CCNH: variants seen among roughly 807,000 people sequenced by gnomAD.
The protein encoded by CCNH is cyclin H.
In CCNH, 31 loss-of-function variants were observed where a neutral mutation model predicts 41.9. The ratio of observed to expected loss-of-function variants is 0.74; its 90% confidence interval spans 0.56 to 1.00. The LOEUF is 1.00. Among genes scored for constraint, CCNH ranks in the 50% least tolerant of loss-of-function variants. CCNH has a pLI of 0.00. For missense variants in CCNH, 362 were observed against 388.4 expected, an observed-to-expected ratio of 0.93 and a Z score of 0.57; for synonymous variants, 138 against 136.1, an observed-to-expected ratio of 1.01 and a Z score of -0.10.
rs373797371 is a variant in CCNH at position 87,394,535 on chromosome 5, T to A, written c.934-51A>T. The A allele has an allele frequency of 1.9e-6, 3 of 1,607,754 alleles. No individual in the cohort carries two copies. The African/African-American group carries it at 4.0e-5, about 22-fold the overall frequency. ...GGATAACACTGAAGCATAACCAGTATTGTTTACCTCTTACCTCCCTTTAAG... is the reference window on the plus strand; with the variant it reads ...GGATAACACTGAAGCATAACCAGTAATGTTTACCTCTTACCTCCCTTTAAG... On this transcript the variant is annotated intron_variant, in intron 8 of 8. Coordinates refer to ENST00000256897, the MANE Select transcript of CCNH (RefSeq NM_001239.4).
chr5:87,312,949 C>A, the CCNH span, among the ~76,000 whole-genome samples: 1 of 151,970 alleles, frequency 6.6e-6, no homozygotes, highest in Non-Finnish European at 1.5e-5. Flanking sequence ...TATGAGTAGG[C>A]CAGATTATTG....
chr5:87,389,312 CAA>C (rs764673176), downstream of CCNH: 14 of 1,558,442 alleles, frequency 9.0e-6, no homozygotes, highest in Admixed American at 3.4e-5. Context: ...GCCTGGGCAA[CAA>C]GAGCGAAACT....
chr5:87,357,932 T>C (rs559958039), intron 9 of CCNH, among the ~76,000 whole-genome samples: 3 of 152,198 alleles, frequency 2.0e-5, no homozygotes, highest in Admixed American at 1.3e-4. Flanking sequence ...ACACAGAAAC[T>C]ATTAAGTGCT....
chr5:87,377,000 G>T (rs757206060), exon 1 of CCNH: 1 of 1,613,794 alleles, frequency 6.2e-7, no homozygotes, highest in Non-Finnish European at 8.5e-7. Flanking sequence ...TTGAATCGTT[G>T]TTGTTATGCA....
intron 9 of CCNH, among the ~76,000 whole-genome samples, chr5:87,347,874 A>G (rs1758973886): frequency 1.3e-5 from 2 of 152,016 alleles, no homozygotes; most frequent in Non-Finnish European, 2.9e-5. Context: ...AACTTGTACC[A>G]CCAAGTACTT....
intron 9 of CCNH, among the ~76,000 whole-genome samples, chr5:87,334,994 TG>T (rs1463108841): frequency 1.3e-5 from 2 of 152,144 alleles, no homozygotes; most frequent in Non-Finnish European, 2.9e-5. Flanking sequence ...AGGGATTCTT[TG>T]CCTCGGTCTT....
At chr5:87,402,895 C>G (rs578090879) in intron 5 of CCNH, among the ~76,000 whole-genome samples, 5 of 152,192 alleles carry the variant, frequency 3.3e-5, no homozygotes, top group African/African-American at 1.2e-4. Context: ...TGACTAGACT[C>G]ATTATCTCTG....
chr5:87,348,311 T>G (rs1005481242), intron 9 of CCNH, among the ~76,000 whole-genome samples: 11 of 151,994 alleles, frequency 7.2e-5, no homozygotes, highest in African/African-American at 2.7e-4. Context: ...TCAAATTATA[T>G]CTAATAATCT....
intron 9 of CCNH, among the ~76,000 whole-genome samples, chr5:87,342,967 A>T (rs1758589926): frequency 6.6e-6 from 1 of 152,206 alleles, no homozygotes; most frequent in Admixed American, 6.5e-5. Context: ...AAGTCTTTTT[A>T]TCTGATAGCA....
At chr5:87,392,252 A>G (rs1762578721), downstream of CCNH, 1 of 456,196 alleles carries the variant, frequency 2.2e-6, no homozygotes, top group Non-Finnish European at 4.4e-6. Context: ...CTATTCCTCT[A>G]ATGTATAAAA....
rs1428508294 is a variant in CCNH, at chr5:87,412,671, A to G, written c.117+7T>C. Reference sequence around the variant, plus strand: ...GGGCAACTGGGCAACCGTTGGGAAAACCTCACCTTCCCGTTGGCCACGGCT... The same window carrying G: ...GGGCAACTGGGCAACCGTTGGGAAAGCCTCACCTTCCCGTTGGCCACGGCT... On this transcript the variant is annotated splice_region_variant and intron_variant, in intron 1 of 8. Coordinates refer to ENST00000256897, the MANE Select transcript of CCNH (RefSeq NM_001239.4). The G allele has an allele frequency of 3.1e-6, 5 of 1,613,524 alleles. No homozygotes were observed. Among genetic ancestry groups the G allele is most frequent in the Non-Finnish European group, 4.2e-6 (5 of 1,179,778 alleles).
intron 9 of CCNH, among the ~76,000 whole-genome samples, chr5:87,383,188 A>G (rs1324855725): frequency 6.6e-6 from 1 of 152,160 alleles, no homozygotes; most frequent in Non-Finnish European, 1.5e-5. Context: ...CTCTAGTGCA[A>G]TGGATTCTTA....
At chr5:87,384,226 C>T (rs911066743) in intron 9 of CCNH, among the ~76,000 whole-genome samples, 8 of 152,070 alleles carry the variant, frequency 5.3e-5, no homozygotes, top group Non-Finnish European at 8.8e-5. Context: ...TGGTTCCTCC[C>T]GTTAGAGATT....
At chr5:87,328,960 G>A (rs1180478384) in intron 9 of CCNH, among the ~76,000 whole-genome samples, 1 of 131,038 alleles carries the variant, frequency 7.6e-6, no homozygotes, top group Admixed American at 7.5e-5. Context: ...CAAGCTGATG[G>A]CTGGATAATT....
At chr5:87,328,167 G>C (rs1757368668) in intron 9 of CCNH, among the ~76,000 whole-genome samples, 1 of 152,124 alleles carries the variant, frequency 6.6e-6, no homozygotes. Flanking sequence ...GGTATATTCT[G>C]TGTTATAATT....
intron 9 of CCNH, among the ~76,000 whole-genome samples, chr5:87,355,949 G>A (rs1232210250): frequency 2.6e-5 from 4 of 152,216 alleles, no homozygotes; most frequent in Non-Finnish European, 5.9e-5. Flanking sequence ...GCTTGAAGAT[G>A]TGACTGAATT....
intron 7 of CCNH, among the ~76,000 whole-genome samples, chr5:87,399,147 G>C (rs1160584838): frequency 6.6e-6 from 1 of 152,170 alleles, no homozygotes; most frequent in African/African-American, 2.4e-5. Flanking sequence ...GAAATCCCAT[G>C]AGAAGTAACA....
intron 6 of CCNH, among the ~76,000 whole-genome samples, chr5:87,400,566 C>G (rs1467204640): frequency 6.6e-6 from 1 of 152,086 alleles, no homozygotes; most frequent in Non-Finnish European, 1.5e-5. Context: ...TCATAAATCA[C>G]AGCCATCATT....
At chr5:87,325,937 G>A (rs887641170) in intron 9 of CCNH, among the ~76,000 whole-genome samples, 17 of 152,040 alleles carry the variant, frequency 1.1e-4, no homozygotes, top group African/African-American at 4.1e-4. Context: ...AAGGCCCTTC[G>A]GATGTGTTCC....
Sources: gnomAD v4.1 joint callset for allele counts (sites outside exome capture counted in the v4.1 genomes callset) on GRCh38, gnomAD v4.1.1 for gene constraint, MANE v1.5 for transcripts, NCBI Gene and HGNC (gene_info 2026-07-23, HGNC 2026-07-21) for gene names.